Variants in SEMA3A observed in about 807,000 individuals in gnomAD.
SEMA3A encodes the protein semaphorin-3A.
A neutral mutation model predicts 97.9 loss-of-function variants in SEMA3A; 29 were observed. The observed-to-expected ratio is 0.30, with a 90% CI of 0.22 to 0.40. The LOEUF is 0.40. Ranked by LOEUF, SEMA3A falls within the 10% of genes least tolerant of loss-of-function variation. SEMA3A has a pLI of 1.00. For missense variants in SEMA3A, 763 were observed against 951.3 expected (o/e 0.80, Z 2.60); for synonymous variants, 321 against 323.7 (o/e 0.99, Z 0.09).
At chr7:84,054,143 A>G (rs1792828249) in intron 5 of SEMA3A, among the ~76,000 whole-genome samples, 1 of 152,234 alleles carries the variant, frequency 6.6e-6, no homozygotes, top group South Asian at 2.1e-4. Flanking sequence ...GCTGCCCTTA[A>G]TATTTTTTCC....
At chr7:84,344,550 T>C (rs1031109463) in intron 2 of SEMA3A, among the ~76,000 whole-genome samples, 6 of 151,922 alleles carry the variant, frequency 3.9e-5, no homozygotes, top group Non-Finnish European at 7.4e-5. Context: ...CTGGTTAGAG[T>C]CACGAAAAAG....
At chr7:84,374,031 C>A (rs1020758457) in intron 1 of SEMA3A, among the ~76,000 whole-genome samples, 6 of 152,114 alleles carry the variant, frequency 3.9e-5, no homozygotes, top group African/African-American at 1.4e-4. Context: ...AAAGCATGGT[C>A]AACAAGGCCT....
intron 3 of SEMA3A, among the ~76,000 whole-genome samples, chr7:84,235,003 C>A (rs56801502): frequency 0.071 from 10,850 of 152,064 alleles, 538 homozygotes; most frequent in Non-Finnish European, 0.083. Flanking sequence ...TAAGGGGAAA[C>A]TTTTACATCA....
intron 9 of SEMA3A, among the ~76,000 whole-genome samples, chr7:84,009,787 GAGAA>G (rs1790804073): frequency 6.6e-6 from 1 of 151,504 alleles, no homozygotes. Context: ...GAGGAAGAGA[GAGAA>G]AGAGAGGAAG....
At chr7:84,161,071 A>T (rs1797016186) in intron 1 of SEMA3A, among the ~76,000 whole-genome samples, 3 of 151,898 alleles carry the variant, frequency 2.0e-5, no homozygotes, top group Non-Finnish European at 4.4e-5. Flanking sequence ...TTATTTAAGA[A>T]TTTTAAAATT....
Position 84,039,292 on chromosome 7 carries a change from A to G in SEMA3A, c.667+7032T>C, listed in dbSNP as rs561023334. Reference sequence around the variant, plus strand: ...AATATAAATAACTTAAATGACTCCCAAAGTCACGTAAGTAATAAATGGAGG... The same window carrying G: ...AATATAAATAACTTAAATGACTCCCGAAGTCACGTAAGTAATAAATGGAGG... On this transcript the variant is annotated intron_variant, in intron 6 of 16. Transcript: ENST00000265362. Among the ~76,000 whole-genome samples, 27 of 152,290 alleles carry G rather than the reference A, an allele frequency of 1.8e-4. 1 individual carries two copies. The highest frequency in any genetic ancestry group is 1.3e-4 in the Non-Finnish European group (9 of 68,006).
chr7:84,122,072 T>C (rs1795634942), intron 3 of SEMA3A, among the ~76,000 whole-genome samples: 1 of 151,688 alleles, frequency 6.6e-6, no homozygotes, highest in African/African-American at 2.4e-5. Context: ...GTATTTCTAG[T>C]TCTAGATCCT....
At chr7:84,314,993 C>T (rs1180122629) in intron 2 of SEMA3A, among the ~76,000 whole-genome samples, 2 of 152,078 alleles carry the variant, frequency 1.3e-5, no homozygotes, top group African/African-American at 2.4e-5. Flanking sequence ...ATAAATAACA[C>T]ATTAACTGAA....
At chr7:84,337,594 T>A (rs1375324141) in intron 2 of SEMA3A, among the ~76,000 whole-genome samples, 1 of 152,094 alleles carries the variant, frequency 6.6e-6, no homozygotes, top group African/African-American at 2.4e-5. Flanking sequence ...CACCAAGGAA[T>A]GGATTCAAAT....
intron 4 of SEMA3A, among the ~76,000 whole-genome samples, chr7:84,107,425 A>C (rs1795145343): frequency 6.6e-6 from 1 of 152,206 alleles, no homozygotes; most frequent in Non-Finnish European, 1.5e-5. Context: ...AGGTAATTGC[A>C]TAATCATCTT....
At chr7:84,300,618 GC>G (rs1800986870) in intron 3 of SEMA3A, among the ~76,000 whole-genome samples, 2 of 151,566 alleles carry the variant, frequency 1.3e-5, no homozygotes. Flanking sequence ...AGACATAAAA[GC>G]AAAAACATTA....
intron 2 of SEMA3A, among the ~76,000 whole-genome samples, chr7:84,334,390 G>A (rs907474402): frequency 1.3e-5 from 2 of 151,916 alleles, no homozygotes; most frequent in African/African-American, 4.8e-5. Flanking sequence ...CCTGAGATGA[G>A]ATTTTATGGA....
chr7:84,250,599 G>C (rs1799584485), intron 3 of SEMA3A, among the ~76,000 whole-genome samples: 1 of 152,150 alleles, frequency 6.6e-6, no homozygotes, highest in South Asian at 2.1e-4. Context: ...GGCAATCACA[G>C]TGTGTTTAAA....
intron 1 of SEMA3A, among the ~76,000 whole-genome samples, chr7:84,438,649 TC>T (rs1433195466): frequency 6.6e-6 from 1 of 151,938 alleles, no homozygotes; most frequent in African/African-American, 2.4e-5. Flanking sequence ...AAGAACATTT[TC>T]CCCATGATCT....
intron 3 of SEMA3A, among the ~76,000 whole-genome samples, chr7:84,280,113 G>T (rs1279814693): frequency 6.6e-6 from 1 of 152,094 alleles, no homozygotes; most frequent in African/African-American, 2.4e-5. Flanking sequence ...GCCTTGGCTT[G>T]TCTCAAACTC....
chr7:84,332,858 C>T lies in SEMA3A; in HGVS notation c.-168-25566G>A, dbSNP rs185648290. ...CTGAAATATGTTATTATTTACATGT[C>T]TTGACTCCCTACATACATATTATCA... On this transcript the variant is annotated intron_variant, in intron 2 of 3. Transcript: ENST00000424555. Among the ~76,000 whole-genome samples the T allele has an allele frequency of 5.3e-3, 802 of 152,066 alleles. 26 individuals carry two copies. The highest frequency in any genetic ancestry group is 0.036 in the Admixed American group (547 of 15,260).
chr7:84,259,724 A>G (rs1799801270), intron 3 of SEMA3A, among the ~76,000 whole-genome samples: 1 of 151,750 alleles, frequency 6.6e-6, no homozygotes, highest in Admixed American at 6.6e-5. Context: ...AACCTTGGGT[A>G]GGAGAAAAAT....
intron 1 of SEMA3A, among the ~76,000 whole-genome samples, chr7:84,153,755 T>G (rs1437833116): frequency 6.6e-6 from 1 of 152,128 alleles, no homozygotes; most frequent in South Asian, 2.1e-4. Context: ...TCTATTACAC[T>G]TCTCTACAGT....
intron 13 of SEMA3A, among the ~76,000 whole-genome samples, chr7:83,984,608 C>T (rs1205275784): frequency 9.1e-4 from 90 of 98,808 alleles, no homozygotes; most frequent in South Asian, 1.9e-3. Context: ...GATTTTTCTG[C>T]TTTTTTTTTT....
Sources: gnomAD v4.1 joint callset for allele counts (sites outside exome capture counted in the v4.1 genomes callset) on GRCh38, gnomAD v4.1.1 for gene constraint, MANE v1.5 for transcripts, NCBI Gene and HGNC (gene_info 2026-07-23, HGNC 2026-07-21) for gene names.